The following PRKG1 variants were observed in gnomAD, a reference collection of about 807,000 sequenced individuals.
PRKG1 encodes the protein cGMP-dependent protein kinase 1.
Under a neutral mutation model 88.1 loss-of-function variants are expected in PRKG1, and 35 were observed. The observed-to-expected ratio is 0.40, with a 90% CI of 0.30 to 0.53. The LOEUF is 0.53. Ranked by LOEUF, PRKG1 falls within the 20% of genes least tolerant of loss-of-function variation. The pLI is 0.59. For missense variants in PRKG1, 540 were observed against 839.8 expected (o/e 0.64, Z 4.41); for synonymous variants, 303 against 292.5 (o/e 1.04, Z -0.37).
chr10:51,292,086 C>G (rs904686798), intron 2 of PRKG1, among the ~76,000 whole-genome samples: 3 of 152,088 alleles, frequency 2.0e-5, no homozygotes, highest in Non-Finnish European at 4.4e-5. Context: ...TTATTCAATT[C>G]TGTTTTGAAT....
Position 51,125,549 on chromosome 10 carries a change from G to A in PRKG1, c.312-27615G>A, listed in dbSNP as rs960068011. On this transcript the variant is annotated intron_variant, in intron 1 of 17. Coordinates refer to ENST00000373980, the MANE Select transcript of PRKG1 (RefSeq NM_006258.4). ...ATACAAAAATTAGCTGGGCATGATG[G>A]CGGGTGCCTGTAATCCCAGCTACTT... Among the ~76,000 whole-genome samples the A allele has an allele frequency of 6.0e-4, 89 of 149,502 alleles. 1 individual carries two copies. The highest frequency in any genetic ancestry group is 2.1e-3 in the African/African-American group (86 of 41,170).
At chr10:52,155,485 T>C (rs983969165) in intron 8 of PRKG1, among the ~76,000 whole-genome samples, 6 of 151,982 alleles carry the variant, frequency 3.9e-5, no homozygotes, top group Admixed American at 3.9e-4. Context: ...TAACCAGGCG[T>C]GTCCTACATG....
intron 3 of PRKG1, among the ~76,000 whole-genome samples, chr10:51,541,241 C>T (rs182792518): frequency 1.3e-5 from 2 of 152,090 alleles, no homozygotes; most frequent in Admixed American, 6.6e-5. Flanking sequence ...CAACAGGGTT[C>T]GCGCTCCTAT....
chr10:52,157,807 T>A (rs1200749130), intron 8 of PRKG1, among the ~76,000 whole-genome samples: 3 of 151,486 alleles, frequency 2.0e-5, no homozygotes, highest in African/African-American at 4.8e-5. Flanking sequence ...CCTTCTTCCT[T>A]CCTCTTTCCT....
intron 14 of PRKG1, among the ~76,000 whole-genome samples, chr10:52,286,012 A>G (rs1224689820): frequency 6.6e-6 from 1 of 152,066 alleles, no homozygotes; most frequent in African/African-American, 2.4e-5. Context: ...GAGAAAAAAC[A>G]TCTTTAATTA....
intron 1 of PRKG1, among the ~76,000 whole-genome samples, chr10:50,999,270 T>A (rs989756644): frequency 6.6e-6 from 1 of 152,238 alleles, no homozygotes; most frequent in African/African-American, 2.4e-5. Context: ...TTGATTTTGT[T>A]ATGTATTTGA....
chr10:51,213,551 A>G (rs1317157457), intron 2 of PRKG1, among the ~76,000 whole-genome samples: 1 of 152,182 alleles, frequency 6.6e-6, no homozygotes, highest in Non-Finnish European at 1.5e-5. Context: ...TGGAGTGACC[A>G]CTCATTTGGA....
intron 3 of PRKG1, among the ~76,000 whole-genome samples, chr10:51,773,077 A>G (rs1838346188): frequency 6.6e-6 from 1 of 152,052 alleles, no homozygotes; most frequent in Non-Finnish European, 1.5e-5. Flanking sequence ...TTTGACTAAA[A>G]TAAGTGTTTT....
At chr10:51,546,002 G>T (rs1169748778) in intron 3 of PRKG1, among the ~76,000 whole-genome samples, 3 of 150,782 alleles carry the variant, frequency 2.0e-5, no homozygotes, top group East Asian at 2.0e-4. Flanking sequence ...TATGCATATC[G>T]CTTAGTAACT....
chr10:52,177,808 TG>T (rs554142302), intron 9 of PRKG1, among the ~76,000 whole-genome samples: 2 of 152,176 alleles, frequency 1.3e-5, no homozygotes, highest in Admixed American at 1.3e-4. Flanking sequence ...AACCCCCTTA[TG>T]ATCCTTTGTA....
At chr10:51,707,330 CA>C (rs111339265) in intron 3 of PRKG1, among the ~76,000 whole-genome samples, 12,116 of 152,182 alleles carry the variant, frequency 0.08, 519 homozygotes, top group Middle Eastern at 0.095. Flanking sequence ...TTCTGCCACA[CA>C]AGGTACCTAC....
chr10:51,529,410 C>A (rs1351710271), intron 3 of PRKG1, among the ~76,000 whole-genome samples: 4 of 152,122 alleles, frequency 2.6e-5, no homozygotes, highest in Admixed American at 2.6e-4. Context: ...TATCATCAGG[C>A]TCATATGGAA....
In PRKG1 at chr10:51,858,332, AAT is replaced by A. The variant is rs1203634825; in HGVS notation, c.699-49166_699-49165del. On this transcript the variant is annotated intron_variant, in intron 4 of 17. Coordinates refer to ENST00000373980, the MANE Select transcript of PRKG1 (RefSeq NM_006258.4). Reference sequence around the variant, plus strand: ...TATATGTATAATATGTATTATATATAATATATATATTATATAAAATATATATA... The same window carrying A: ...TATATGTATAATATGTATTATATATAATATATATTATATAAAATATATATA... Among the ~76,000 whole-genome samples, 33 of 27,476 alleles carry A rather than the reference AAT, an allele frequency of 1.2e-3. 11 individuals carry two copies. Among genetic ancestry groups the A allele is most frequent in the Admixed American group, 2.8e-3 (5 of 1,808 alleles). 18.0% of individuals were successfully genotyped at this position (27,476 alleles called of 152,430 possible).
At chr10:51,608,975 G>A (rs896827574) in intron 3 of PRKG1, among the ~76,000 whole-genome samples, 2 of 151,962 alleles carry the variant, frequency 1.3e-5, no homozygotes, top group Non-Finnish European at 2.9e-5. Context: ...TGATGAGTTT[G>A]TATTTTAAGC....
chr10:52,041,404 A>G (rs905882925), intron 5 of PRKG1, among the ~76,000 whole-genome samples: 3 of 152,136 alleles, frequency 2.0e-5, no homozygotes, highest in South Asian at 2.1e-4. Context: ...TTTTGCATCT[A>G]TGCTCATCCA....
chr10:51,244,919 A>G (rs921153831), intron 2 of PRKG1: 2 of 151,840 alleles, frequency 1.3e-5, no homozygotes, highest in Non-Finnish European at 2.9e-5. Flanking sequence ...TCCTTTGTGA[A>G]TACTGGGACT....
At chr10:52,041,097 C>T (rs1490842456) in intron 5 of PRKG1, among the ~76,000 whole-genome samples, 4 of 152,104 alleles carry the variant, frequency 2.6e-5, no homozygotes, top group Admixed American at 2.6e-4. Context: ...CCTCGGCCTC[C>T]CAAAATGCTA....
intron 9 of PRKG1, among the ~76,000 whole-genome samples, chr10:52,227,852 C>A (rs531006025): frequency 6.6e-6 from 1 of 152,088 alleles, no homozygotes; most frequent in Admixed American, 6.6e-5. Context: ...TTATTATTGT[C>A]GTTCTCTGGG....
intron 3 of PRKG1, among the ~76,000 whole-genome samples, chr10:51,767,644 A>G (rs1044130815): frequency 6.6e-5 from 10 of 151,950 alleles, no homozygotes; most frequent in East Asian, 1.9e-4. Context: ...TTTTTAACCT[A>G]TGAAATCAGG....
Sources: gnomAD v4.1 joint callset for allele counts (sites outside exome capture counted in the v4.1 genomes callset) on GRCh38, gnomAD v4.1.1 for gene constraint, MANE v1.5 for transcripts, NCBI Gene and HGNC (gene_info 2026-07-23, HGNC 2026-07-21) for gene names.